The following MYH11 variants were observed in gnomAD, a reference collection of about 807,000 sequenced individuals.
The protein encoded by MYH11 is myosin-11.
A neutral mutation model predicts 246.6 loss-of-function variants in MYH11; 80 were observed. The observed-to-expected ratio is 0.32, with a 90% CI of 0.27 to 0.39. MYH11 has a LOEUF of 0.39. Ranked by LOEUF, MYH11 falls within the 10% of genes least tolerant of loss-of-function variation. MYH11 has a pLI of 1.00. For synonymous variants in MYH11, 1,071 were observed against 1,015.5 expected (o/e 1.05, Z -1.04); for missense variants, 2,158 against 2,546.8 (o/e 0.85, Z 3.29).
intron 5 of MYH11, 95 bp downstream of exon 5, chr16:15,786,535 G>C (rs919791438): frequency 2.5e-6 from 3 of 1,214,500 alleles, no homozygotes; most frequent in Non-Finnish European, 3.7e-6. Context: ...TGGGGCCTGA[G>C]TTCTTGCAAT....
At chr16:15,772,498 A>G (rs529497022) in intron 8 of MYH11, among the ~76,000 whole-genome samples, 1 of 152,254 alleles carries the variant, frequency 6.6e-6, no homozygotes, top group South Asian at 2.1e-4. Context: ...CTCCTGTCAC[A>G]TCCCTTCTCC....
At chr16:15,759,469 CCTACAGTAGCCAT>C in intron 12 of MYH11, 94 bp downstream of exon 12, 1 of 1,425,284 alleles carries the variant, frequency 7.0e-7, no homozygotes, top group Non-Finnish European at 9.9e-7. Flanking sequence ...AGCCTCCTAC[CCTACAGTAGCCAT>C]CTACATGCCT....
At chr16:15,797,122 T>G (rs59298638) in intron 4 of MYH11, among the ~76,000 whole-genome samples, 13,416 of 152,178 alleles carry the variant, frequency 0.088, 1,893 homozygotes, top group African/African-American at 0.3. Flanking sequence ...CCAACTTTTG[T>G]TTTTTCCTGG....
intron 1 of MYH11, among the ~76,000 whole-genome samples, chr16:15,842,762 C>CAAA (rs757920488): frequency 3.0e-4 from 6 of 19,674 alleles, no homozygotes; most frequent in East Asian, 2.4e-3. Flanking sequence ...AGACTTCATC[C>CAAA]AAAAAAAAAA....
chr16:15,749,037 G>C (rs1047335101), intron 16 of MYH11: 1 of 152,132 alleles, frequency 6.6e-6, no homozygotes, highest in Non-Finnish European at 1.5e-5. Flanking sequence ...GGAGCACCAC[G>C]ATCTAGCCCC....
rs6498570 is a variant in MYH11 at position 15,750,042 on chromosome 16, G to A, written c.2058+96C>T. On this transcript the variant is annotated intron_variant, in intron 16 of 40. Coordinates refer to ENST00000300036, the MANE Select transcript of MYH11 (RefSeq NM_002474.3). This position sits in a 1 kb window ranked among gnomAD's most constrained non-coding sequence, Gnocchi z 4.3. ...TCCCCACATGGAAAATGGGGTCCTCGGGGTAGGTGGGGGCAGAGGGCGCCC... is the reference window on the plus strand; with the variant it reads ...TCCCCACATGGAAAATGGGGTCCTCAGGGTAGGTGGGGGCAGAGGGCGCCC... 0.91 allele frequency: 1,322,513 copies of A among 1,453,724 alleles called. 602,411 individuals are homozygous for A. The highest frequency in any genetic ancestry group is 1 in the East Asian group (43,779 of 43,792). 90.1% of individuals were successfully genotyped at this position (1,453,724 alleles called of 1,614,324 possible).
intron 20 of MYH11, among the ~76,000 whole-genome samples, chr16:15,744,860 G>A (rs557438645): frequency 1.3e-5 from 2 of 152,354 alleles, no homozygotes; most frequent in Admixed American, 6.5e-5. Flanking sequence ...CCATGGCTAC[G>A]GAGGAAGTGG....
intron 4 of MYH11, among the ~76,000 whole-genome samples, chr16:15,789,832 A>G (rs2042567027): frequency 6.6e-6 from 1 of 152,236 alleles, no homozygotes; most frequent in South Asian, 2.1e-4. Context: ...GGTGGTCATG[A>G]ACCTATTCAG....
intron 14 of MYH11, among the ~76,000 whole-genome samples, chr16:15,755,668 C>T (rs939758541): frequency 6.6e-6 from 1 of 152,154 alleles, no homozygotes. Flanking sequence ...CACGGTGGCT[C>T]ATGCCTGTAA....
intron 33 of MYH11, among the ~76,000 whole-genome samples, chr16:15,720,586 TG>T (rs1378414856): frequency 1.4e-4 from 21 of 144,956 alleles, no homozygotes; most frequent in African/African-American, 5.2e-4. Context: ...TTGTCTCCAC[TG>T]AAAAAAAAAA....
chr16:15,842,493 G>A (rs539407367), intron 1 of MYH11, among the ~76,000 whole-genome samples: 2 of 152,132 alleles, frequency 1.3e-5, no homozygotes, highest in African/African-American at 4.8e-5. Flanking sequence ...TAGGTGCGGT[G>A]GCTCACACCT....
At position 15,724,317 on chromosome 16, in the gene MYH11, G is replaced by T; in HGVS notation, c.4209C>A (p.Asn1403Lys). Residue 1403 changes from asparagine (N) to lysine (K), a missense_variant, in exon 31 of 41, where the codon AAC becomes AAA. This residue lies in a region of MYH11 where 1,013 missense variants were observed against 993.5 expected (regional missense o/e 1.02). Transcript: ENST00000300036. ...CCTTCTCCTCGTACTGCTGGGTGAG[G>T]TTCTCGATCTCCTTCTGGAACCTCT... ...GKKRFQKEIE[N>K]LTQQYEEKAA... 1 of 1,614,116 alleles carries T rather than the reference G, an allele frequency of 6.2e-7. No homozygotes were observed. Among genetic ancestry groups the T allele is most frequent in the Non-Finnish European group, 8.5e-7 (1 of 1,180,024 alleles).
In MYH11 at chr16:15,787,856, C is replaced by A. The variant is rs145724226; in HGVS notation, c.531-1124G>T. On this transcript the variant is annotated intron_variant, in intron 4 of 40. Transcript: ENST00000300036. Reference sequence around the variant, plus strand: ...ATGGAAAGAAAAATTTACCAAAAAACCGGTTATCCCATTGGTCACTGGGCA... The same window carrying A: ...ATGGAAAGAAAAATTTACCAAAAAAACGGTTATCCCATTGGTCACTGGGCA... Among the ~76,000 whole-genome samples, 386 of 152,068 alleles carry A rather than the reference C, an allele frequency of 2.5e-3. 5 individuals are homozygous for A. The highest frequency in any genetic ancestry group is 8.8e-3 in the African/African-American group (367 of 41,504).
rs2040793737 is a variant in MYH11 at position 15,726,927 on chromosome 16, T to C, written c.3779A>G (p.Gln1260Arg). 1 of 1,612,984 alleles carries C rather than the reference T, an allele frequency of 6.2e-7. No homozygotes were observed. ...GCACTTGGACTGCAGCTCCTGCACC[T>C]GCGCCTCCAGCTTCTTCTTCTTATG... is the stretch of plus-strand genomic sequence containing the variant. ...VEHKKKKLEA[Q>R]VQELQSKCSD... Residue 1260 changes from glutamine (Q) to arginine (R), a missense_variant, in exon 28 of 41, where the codon CAG becomes CGG. By Grantham distance (43) the Gln-to-Arg change is conservative. This residue lies in a region of MYH11 where 1,013 missense variants were observed against 993.5 expected (regional missense o/e 1.02). Transcript: ENST00000300036.
At chr16:15,838,869 A>G (rs1189291188) in intron 1 of MYH11, among the ~76,000 whole-genome samples, 1 of 150,830 alleles carries the variant, frequency 6.6e-6, no homozygotes, top group Non-Finnish European at 1.5e-5. Flanking sequence ...AAAAAAAAAA[A>G]AAAAAAGAAG....
intron 40 of MYH11, among the ~76,000 whole-genome samples, chr16:15,709,960 T>C (rs986363061): frequency 1.3e-5 from 2 of 152,146 alleles, no homozygotes; most frequent in African/African-American, 4.8e-5. Context: ...GTCTGGCTGA[T>C]AGAACTTGGT....
chr16:15,703,408 C>T lies in MYH11; in HGVS notation c.*583G>A. Reference sequence around the variant, plus strand: ...GCGGCACCCATTTCGGTGACTTTCTCCCCATTTCATGTAAACAGAATTGCC... The same window carrying T: ...GCGGCACCCATTTCGGTGACTTTCTTCCCATTTCATGTAAACAGAATTGCC... On this transcript the variant is annotated 3_prime_UTR_variant, in exon 41 of 41. Coordinates refer to ENST00000300036, the MANE Select transcript of MYH11 (RefSeq NM_002474.3). The T allele has an allele frequency of 4.2e-6, 1 of 239,392 alleles. No individual in the cohort carries two copies. Among genetic ancestry groups the T allele is most frequent in the Non-Finnish European group, 8.3e-6 (1 of 121,086 alleles). 14.8% of individuals were successfully genotyped at this position (239,392 alleles called of 1,614,324 possible).
intron 9 of MYH11, 70 bp downstream of exon 9, chr16:15,771,499 A>G: frequency 6.5e-7 from 1 of 1,545,230 alleles, no homozygotes; most frequent in Non-Finnish European, 8.9e-7. Context: ...TCCTGACCAG[A>G]GAAGAGTTCT....
Position 15,740,002 on chromosome 16 carries a change from A to G in MYH11, c.2997+49T>C, listed in dbSNP as rs768734739. 19 of 1,607,392 alleles carry G rather than the reference A, an allele frequency of 1.2e-5. 1 individual carries two copies. In the South Asian group the frequency reaches 2.1e-4, roughly 18 times the overall value. ...AGTGATCCACATACCTTGGCCTCCCAAAGTGCTCGGATTATAGGCGTGAGC... is the reference window on the plus strand; with the variant it reads ...AGTGATCCACATACCTTGGCCTCCCGAAGTGCTCGGATTATAGGCGTGAGC... On this transcript the variant is annotated intron_variant, in intron 23 of 40. Transcript: ENST00000300036.
Sources: allele counts gnomAD v4.1 joint callset (sites outside exome capture counted in the v4.1 genomes callset), GRCh38; gene constraint gnomAD v4.1.1; regional missense constraint gnomAD v4.1.1; non-coding constraint Gnocchi (gnomAD v3.1); transcripts MANE v1.5; gene names NCBI Gene and HGNC (gene_info 2026-07-23, HGNC 2026-07-21).